The following KLHL1 variants were observed in gnomAD, a reference collection of about 807,000 sequenced individuals.
The protein encoded by KLHL1 is kelch like family member 1.
KLHL1 carries 47 observed loss-of-function variants against 77.7 expected under a neutral mutation model. That is an observed-to-expected ratio of 0.60 (90% confidence interval 0.48 to 0.77). The LOEUF (loss-of-function observed/expected upper bound fraction) is 0.77, where lower values mean the gene tolerates loss of function less well. KLHL1 is among the 30% of genes least tolerant of loss of function. The probability of loss-of-function intolerance (pLI) is 0.00; values close to 1 mark genes in which losing one functional copy is unlikely to be tolerated. For missense variants in KLHL1, 925 were observed against 910.8 expected (o/e 1.02, Z -0.20); for synonymous variants, 360 against 325.2 (o/e 1.11, Z -1.15).
At chr13:69,757,361 TATATC>T (rs2137958705) in intron 7 of KLHL1, among the ~76,000 whole-genome samples, 1 of 152,240 alleles carries the variant, frequency 6.6e-6, no homozygotes, top group Admixed American at 6.5e-5. Context: ...ACTGATAAAA[TATATC>T]AAGACATATT....
At chr13:69,964,232 G>A (rs373596895) in intron 2 of KLHL1, among the ~76,000 whole-genome samples, 65 of 152,150 alleles carry the variant, frequency 4.3e-4, no homozygotes, top group African/African-American at 1.5e-3. Context: ...TTTGTAGACA[G>A]CATCTTGCTA....
At chr13:69,937,893 G>A (rs997686464) in intron 4 of KLHL1, among the ~76,000 whole-genome samples, 4 of 152,088 alleles carry the variant, frequency 2.6e-5, no homozygotes, top group Admixed American at 6.6e-5. Context: ...AAGAGTTTGG[G>A]CAAGAAATTT....
At chr13:69,719,209 T>TGTGTGTGTGTGAGAGAGA (rs879782405) in intron 9 of KLHL1, among the ~76,000 whole-genome samples, 160 bp downstream of exon 9, 122 of 36,894 alleles carry the variant, frequency 3.3e-3, no homozygotes, top group African/African-American at 6.2e-3. Context: ...TGTGTGTGTG[T>TGTGTGTGTGTGAGAGAGA]GAGAGAGAGA....
At chr13:69,902,468 G>T (rs1881900678) in intron 4 of KLHL1, among the ~76,000 whole-genome samples, 1 of 152,102 alleles carries the variant, frequency 6.6e-6, no homozygotes, top group South Asian at 2.1e-4. Flanking sequence ...ACATTTTAAA[G>T]GGTAAATAGT....
chr13:69,765,131 G>A (rs765513224), intron 7 of KLHL1, among the ~76,000 whole-genome samples: 2 of 150,530 alleles, frequency 1.3e-5, no homozygotes, highest in African/African-American at 2.4e-5. Flanking sequence ...ATTATTTTTC[G>A]AGTAGAGATG....
chr13:69,773,882 T>C lies in KLHL1; in HGVS notation c.1639+22856A>G, dbSNP rs375337735. Among the ~76,000 whole-genome samples the C allele has an allele frequency of 1.9e-3, 283 of 146,998 alleles. 2 individuals are homozygous for C. Among genetic ancestry groups the C allele is most frequent in the African/African-American group, 5.4e-3 (215 of 40,138 alleles). On this transcript the variant is annotated intron_variant, in intron 7 of 10. Coordinates refer to ENST00000377844, the MANE Select transcript of KLHL1 (RefSeq NM_020866.3). ...CCTTGGCTATATATATATATATATA[T>C]ACATAGAATAAAACGTATTGTGGGA...
chr13:70,007,939 C>A (rs1885443713), intron 1 of KLHL1, among the ~76,000 whole-genome samples: 1 of 151,542 alleles, frequency 6.6e-6, no homozygotes, highest in Admixed American at 6.6e-5. Context: ...AAAAGCAGCC[C>A]CAAAAATGCC....
intron 1 of KLHL1, among the ~76,000 whole-genome samples, chr13:69,985,830 T>C (rs1036506871): frequency 1.7e-4 from 25 of 144,136 alleles, no homozygotes; most frequent in Non-Finnish European, 3.6e-4. Context: ...TATATATATA[T>C]CTTATGTGTG....
At chr13:69,864,841 A>G (rs1166161474) in intron 5 of KLHL1, among the ~76,000 whole-genome samples, 3 of 152,192 alleles carry the variant, frequency 2.0e-5, no homozygotes, top group Non-Finnish European at 4.4e-5. Flanking sequence ...AATATTATCA[A>G]TTCTAGAAAG....
At chr13:69,959,695 T>C (rs923019219) in intron 3 of KLHL1, among the ~76,000 whole-genome samples, 5 of 151,942 alleles carry the variant, frequency 3.3e-5, no homozygotes, top group Admixed American at 1.3e-4. Context: ...ACATTGTATC[T>C]TTGAAATGTA....
At chr13:69,791,457 CA>C (rs1421041365) in intron 7 of KLHL1, among the ~76,000 whole-genome samples, 1 of 151,740 alleles carries the variant, frequency 6.6e-6, no homozygotes, top group East Asian at 1.9e-4. Flanking sequence ...TATGGAAATA[CA>C]AGGGACCCAG....
intron 2 of KLHL1, among the ~76,000 whole-genome samples, chr13:69,974,128 C>T (rs529472434): frequency 1.4e-4 from 22 of 152,046 alleles, no homozygotes; most frequent in African/African-American, 4.3e-4. Flanking sequence ...AAGTTTATCA[C>T]TTAACAGTGT....
intron 7 of KLHL1, among the ~76,000 whole-genome samples, chr13:69,745,615 G>C (rs1018230465): frequency 2.0e-5 from 3 of 151,760 alleles, no homozygotes; most frequent in African/African-American, 7.2e-5. Flanking sequence ...ATACACAAAA[G>C]TCAATCTAGA....
chr13:69,761,738 T>G (rs1875031663), intron 7 of KLHL1, among the ~76,000 whole-genome samples: 1 of 152,180 alleles, frequency 6.6e-6, no homozygotes, highest in Non-Finnish European at 1.5e-5. Context: ...TGAAAGGATA[T>G]AAGTCCAATG....
At chr13:69,880,582 T>C (rs1316084301) in intron 5 of KLHL1, among the ~76,000 whole-genome samples, 1 of 151,998 alleles carries the variant, frequency 6.6e-6, no homozygotes, top group Non-Finnish European at 1.5e-5. Flanking sequence ...CAATAAGAAA[T>C]AAAATTCCAC....
chr13:69,844,780 A>T (rs957484558), intron 5 of KLHL1, among the ~76,000 whole-genome samples: 8 of 151,522 alleles, frequency 5.3e-5, no homozygotes, highest in Non-Finnish European at 8.9e-5. Flanking sequence ...TTATTTATTT[A>T]TTTATTAAGA....
At chr13:70,042,904 T>G (rs1296798801) in intron 1 of KLHL1, among the ~76,000 whole-genome samples, 1 of 152,126 alleles carries the variant, frequency 6.6e-6, no homozygotes, top group Non-Finnish European at 1.5e-5. Flanking sequence ...ATTGATGATC[T>G]TGCCCTTGTG....
chr13:70,051,447 A>G (rs1280456167), intron 1 of KLHL1, among the ~76,000 whole-genome samples: 1 of 152,034 alleles, frequency 6.6e-6, no homozygotes, highest in African/African-American at 2.4e-5. Context: ...GTGTTCATAT[A>G]CATTAATGTT....
intron 4 of KLHL1, among the ~76,000 whole-genome samples, chr13:69,883,346 C>T (rs1483920127): frequency 1.3e-5 from 2 of 152,182 alleles, no homozygotes; most frequent in Non-Finnish European, 2.9e-5. Flanking sequence ...GACATTTCCT[C>T]CCTTACTTAC....
Sources: allele counts gnomAD v4.1 joint callset (sites outside exome capture counted in the v4.1 genomes callset), GRCh38; gene constraint gnomAD v4.1.1; transcripts MANE v1.5; gene names NCBI Gene and HGNC (gene_info 2026-07-23, HGNC 2026-07-21).